SPATA7: variants seen among roughly 807,000 people sequenced by gnomAD.
SPATA7 encodes spermatogenesis associated 7, also known as spermatogenesis-associated protein 7.
SPATA7 carries 43 observed loss-of-function variants against 51.8 expected under a neutral mutation model. The observed-to-expected ratio is 0.83, with a 90% CI of 0.65 to 1.07. The LOEUF is 1.07. Ranked by LOEUF, SPATA7 falls within the 50% of genes least tolerant of loss-of-function variation. SPATA7 has a pLI of 0.00. For synonymous variants in SPATA7, 230 were observed against 252.8 expected, an observed-to-expected ratio of 0.91 and a Z score of 0.86; for missense variants, 683 against 701.3, an observed-to-expected ratio of 0.97 and a Z score of 0.30.
rs2077083495 is a variant in SPATA7, at chr14:88,436,222, G to A, written c.1161-1321G>A. Among the ~76,000 whole-genome samples, 4 of 152,226 alleles carry A rather than the reference G, an allele frequency of 2.6e-5. No individual in the cohort carries two copies. In the South Asian group the frequency reaches 6.2e-4, roughly 24 times the overall value. ...ACAATTCGTATGTCTTTTGAGAATT[G>A]TCTATTCAAATCTTTTGCCCATTTT... On this transcript the variant is annotated intron_variant, in intron 10 of 11. Coordinates refer to ENST00000393545, the MANE Select transcript of SPATA7 (RefSeq NM_018418.5).
intron 9 of SPATA7, 43 bp from the exon 10 acceptor site, chr14:88,433,092 G>C: frequency 1.4e-6 from 2 of 1,472,434 alleles, no homozygotes; most frequent in South Asian, 2.3e-5. Flanking sequence ...TTCAGAATAA[G>C]TAAGGAATAA....
At chr14:88,446,892 C>G (rs2077217467) in intron 3 of SPATA7, among the ~76,000 whole-genome samples, 1 of 152,054 alleles carries the variant, frequency 6.6e-6, no homozygotes, top group Admixed American at 6.6e-5. Context: ...TTGAGGAGAG[C>G]TTTACTTCCA....
chr14:88,393,630 A>G (rs916201064), intron 3 of SPATA7, 142 bp downstream of exon 3: 8 of 694,968 alleles, frequency 1.2e-5, no homozygotes, highest in South Asian at 5.6e-5. Flanking sequence ...GATACAAACT[A>G]TTGACTCTAG....
chr14:88,431,159 T>C lies in SPATA7; in HGVS notation c.1029-13T>C. On this transcript the variant is annotated splice_polypyrimidine_tract_variant and intron_variant, in intron 8 of 11. Transcript: ENST00000393545. ...CACTGTTTTGCTCAACTACTTTAACTTCCTCTTTCTAGGGCAATGTGTCAG... is the reference window on the plus strand; with the variant it reads ...CACTGTTTTGCTCAACTACTTTAACCTCCTCTTTCTAGGGCAATGTGTCAG... The C allele has an allele frequency of 6.2e-7, 1 of 1,613,298 alleles. No individual in the cohort carries two copies. The highest frequency in any genetic ancestry group is 1.1e-5 in the South Asian group (1 of 91,068).
exon 5 of SPATA7, chr14:88,470,099 T>C (rs758769147): frequency 3.8e-6 from 6 of 1,574,554 alleles, no homozygotes; most frequent in East Asian, 2.2e-5. Flanking sequence ...ATAATATACA[T>C]AGGTATGTAT....
intron 3 of SPATA7, among the ~76,000 whole-genome samples, chr14:88,448,565 T>G (rs1305412533): frequency 2.0e-5 from 3 of 152,172 alleles, no homozygotes; most frequent in African/African-American, 2.4e-5. Flanking sequence ...GGCGCTCTGC[T>G]TTTTAGAGTT....
chr14:88,439,352 C>G (rs1291347058), downstream of SPATA7, among the ~76,000 whole-genome samples: 1 of 152,136 alleles, frequency 6.6e-6, no homozygotes, highest in African/African-American at 2.4e-5. Context: ...GAAGCCCTCT[C>G]CTACCCTTGT....
At chr14:88,427,463 GTC>G (rs1217705768) in intron 6 of SPATA7, among the ~76,000 whole-genome samples, 165 bp from the exon 7 acceptor site, 3 of 152,020 alleles carry the variant, frequency 2.0e-5, no homozygotes, top group East Asian at 1.9e-4. Flanking sequence ...TATCAGATGA[GTC>G]TGCAGATATT....
intron 4 of SPATA7, chr14:88,468,257 G>A (rs977307526): frequency 1.2e-6 from 2 of 1,600,220 alleles, no homozygotes; most frequent in Non-Finnish European, 1.7e-6. Flanking sequence ...CTCTCGGGAT[G>A]TCCAGCACCT....
chr14:88,395,625 GTTT>G (rs139126420), intron 3 of SPATA7, among the ~76,000 whole-genome samples: 2 of 151,816 alleles, frequency 1.3e-5, no homozygotes, highest in African/African-American at 4.8e-5. Flanking sequence ...TGTTTGTTTT[GTTT>G]TTTTGCCTCT....
chr14:88,442,172 CTGTT>C (rs56376187), downstream of SPATA7, among the ~76,000 whole-genome samples: 204 of 149,464 alleles, frequency 1.4e-3, no homozygotes, highest in East Asian at 4.9e-3. Context: ...GTCTATATGC[CTGTT>C]TGTTTGTTTG....
At chr14:88,451,863 C>T (rs1454166606) in intron 3 of SPATA7, among the ~76,000 whole-genome samples, 1 of 152,064 alleles carries the variant, frequency 6.6e-6, no homozygotes, top group Non-Finnish European at 1.5e-5. Flanking sequence ...TAGACTTTAC[C>T]TTTCTCTGGT....
At chr14:88,440,951 A>G (rs184367707), downstream of SPATA7, among the ~76,000 whole-genome samples, 100 of 152,142 alleles carry the variant, frequency 6.6e-4, no homozygotes, top group East Asian at 5.0e-3. Context: ...ATTGTACCCA[A>G]TGTGTAGTCT....
At chr14:88,405,224 C>T (rs1439533000) in intron 4 of SPATA7, among the ~76,000 whole-genome samples, 1 of 152,092 alleles carries the variant, frequency 6.6e-6, no homozygotes, top group African/African-American at 2.4e-5. Context: ...AATAAGCCAA[C>T]TGAAGAGTAA....
chr14:88,461,314 C>A (rs1430046561), intron 4 of SPATA7, among the ~76,000 whole-genome samples: 1 of 152,234 alleles, frequency 6.6e-6, no homozygotes, highest in Non-Finnish European at 1.5e-5. Context: ...GAGGTGGAGT[C>A]TACAGAGGCA....
intron 4 of SPATA7, among the ~76,000 whole-genome samples, chr14:88,409,940 C>T (rs1311595728): frequency 6.6e-6 from 1 of 152,162 alleles, no homozygotes; most frequent in Non-Finnish European, 1.5e-5. Flanking sequence ...TTTGATTGCA[C>T]TGTGGTCTGA....
chr14:88,447,240 G>A (rs1001856813), intron 3 of SPATA7, among the ~76,000 whole-genome samples: 5 of 150,304 alleles, frequency 3.3e-5, no homozygotes, highest in African/African-American at 9.9e-5. Flanking sequence ...ATTATGTAAT[G>A]GCCTTCTTTG....
Position 88,385,659 on chromosome 14 carries a change from T to C in SPATA7, c.-160T>C, listed in dbSNP as rs1032176686. 2.7e-6 allele frequency: 2 copies of C among 739,650 alleles called. No homozygotes were observed. Among genetic ancestry groups the C allele is most frequent in the South Asian group, 3.0e-5 (2 of 67,608 alleles). 45.8% of individuals were successfully genotyped at this position (739,650 alleles called of 1,614,324 possible). A position where few individuals can be genotyped will look rare whatever the true frequency, so the allele number is the denominator to read the frequency against. On this transcript the variant is annotated 5_prime_UTR_variant, in exon 1 of 12. Coordinates refer to ENST00000393545, the MANE Select transcript of SPATA7 (RefSeq NM_018418.5). ...CCGTGACGTCACAATAGCGACTCAC[T>C]GGACCCAGCCCTTAGCAACGGCCTG...
rs554948625 is a variant in SPATA7, at chr14:88,418,910, A to G, written c.372+2066A>G. Among the ~76,000 whole-genome samples, 5 of 152,300 alleles carry G rather than the reference A, an allele frequency of 3.3e-5. No individual in the cohort carries two copies. The South Asian group carries it at 1.0e-3, about 32-fold the overall frequency. On this transcript the variant is annotated intron_variant, in intron 5 of 11. Transcript: ENST00000393545. The stretch of plus-strand genomic sequence containing the variant: ...ATTGTACTGTGATTAGGAAACATCT[A>G]TATTATATCCATTTCTTGAAATTTA...
Sources: allele counts gnomAD v4.1 joint callset (sites outside exome capture counted in the v4.1 genomes callset), GRCh38; gene constraint gnomAD v4.1.1; transcripts MANE v1.5; gene names NCBI Gene and HGNC (gene_info 2026-07-23, HGNC 2026-07-21).